KDM2B: variants seen among roughly 807,000 people sequenced by gnomAD.
The protein encoded by KDM2B is lysine-specific demethylase 2B.
A neutral mutation model predicts 150.0 loss-of-function variants in KDM2B; 26 were observed. The observed-to-expected ratio is 0.17, with a 90% CI of 0.13 to 0.24. KDM2B has a LOEUF of 0.24. Among genes scored for constraint, KDM2B ranks in the 10% least tolerant of loss-of-function variants. The probability of loss-of-function intolerance (pLI) is 1.00; values close to 1 mark genes in which losing one functional copy is unlikely to be tolerated. For missense variants in KDM2B, 1,265 were observed against 1,816.9 expected, an observed-to-expected ratio of 0.70 and a Z score of 5.52; for synonymous variants, 734 against 729.5, an observed-to-expected ratio of 1.01 and a Z score of -0.10.
chr12:121,495,498 C>A (rs144487253), intron 11 of KDM2B, among the ~76,000 whole-genome samples: 1 of 152,100 alleles, frequency 6.6e-6, no homozygotes, highest in Non-Finnish European at 1.5e-5. Context: ...AGGGTATATG[C>A]CATGTTGCCC....
chr12:121,466,513 T>TCCG (rs1384210396), intron 12 of KDM2B, among the ~76,000 whole-genome samples: 10 of 150,262 alleles, frequency 6.7e-5, no homozygotes, highest in East Asian at 1.9e-4. Flanking sequence ...CGCGGCTTCC[T>TCCG]CCGCCGCCGC....
chr12:121,423,017 C>G, the KDM2B span, among the ~76,000 whole-genome samples: 14 of 152,334 alleles, frequency 9.2e-5, no homozygotes, highest in South Asian at 2.9e-3. This position sits in a 1 kb window ranked among gnomAD's most constrained non-coding sequence, Gnocchi z 4.3. Context: ...CCAATAGCAT[C>G]CTGACTCCAA....
At chr12:121,412,267 T>A in the KDM2B span, among the ~76,000 whole-genome samples, 1 of 117,364 alleles carries the variant, frequency 8.5e-6, no homozygotes, top group South Asian at 2.9e-4. Context: ...TGAGATGGAG[T>A]CCCGCTCTGT....
chr12:121,551,727 A>G (rs1166396132), intron 4 of KDM2B, among the ~76,000 whole-genome samples: 3 of 151,762 alleles, frequency 2.0e-5, no homozygotes, highest in African/African-American at 7.3e-5. Context: ...TCTTTTTCGT[A>G]TTTTTAGTAG....
chr12:121,578,998 T>C, intron 1 of KDM2B, 52 bp from the exon 2 acceptor site: 1 of 1,575,022 alleles, frequency 6.3e-7, no homozygotes, highest in Non-Finnish European at 8.6e-7. Flanking sequence ...GGGCTGGAGG[T>C]CGCCTCTCAA....
At chr12:121,540,184 A>G (rs1009614043) in intron 6 of KDM2B, among the ~76,000 whole-genome samples, 2 of 152,164 alleles carry the variant, frequency 1.3e-5, no homozygotes, top group African/African-American at 4.8e-5. Context: ...GTTGGTCCAT[A>G]CACACAGGAA....
At chr12:121,413,610 C>G in the KDM2B span, among the ~76,000 whole-genome samples, 1 of 143,952 alleles carries the variant, frequency 6.9e-6, no homozygotes, top group Non-Finnish European at 1.5e-5. Flanking sequence ...TGGAGTCTCG[C>G]TTTGTTGCCC....
chr12:121,478,648 T>G (rs1555297250), intron 12 of KDM2B, among the ~76,000 whole-genome samples: 2 of 151,844 alleles, frequency 1.3e-5, no homozygotes. Context: ...CGTGAGCCAC[T>G]GCGCCCAGCT....
chr12:121,420,089 C>T, the KDM2B span: 3 of 605,330 alleles, frequency 5.0e-6, no homozygotes, highest in African/African-American at 1.9e-5. Flanking sequence ...TTTGTAGGGC[C>T]CAACTTTTTG....
chr12:121,432,402 AT>A (rs782383261), intron 22 of KDM2B, among the ~76,000 whole-genome samples: 2 of 152,094 alleles, frequency 1.3e-5, no homozygotes, highest in East Asian at 3.8e-4. Flanking sequence ...TAATATGTTT[AT>A]TTTCATATAC....
intron 6 of KDM2B, among the ~76,000 whole-genome samples, chr12:121,539,659 A>T (rs1594083798): frequency 2.0e-5 from 3 of 150,614 alleles, no homozygotes; most frequent in Admixed American, 1.3e-4. Context: ...TGGTTTGGCC[A>T]GCAGTTTTTT....
downstream of KDM2B, among the ~76,000 whole-genome samples, chr12:121,426,179 C>G (rs1341587235): frequency 5.9e-5 from 9 of 152,078 alleles, no homozygotes; most frequent in Admixed American, 2.6e-4. Flanking sequence ...TTTATACAGT[C>G]TTAGTTTAAA....
At chr12:121,560,737 C>T (rs1890275704) in intron 4 of KDM2B, among the ~76,000 whole-genome samples, 2 of 152,128 alleles carry the variant, frequency 1.3e-5, no homozygotes, top group South Asian at 4.1e-4. Context: ...GTCTGATCTG[C>T]CACAGGAGCA....
intron 19 of KDM2B, among the ~76,000 whole-genome samples, chr12:121,441,789 C>T (rs11065577): frequency 0.31 from 47,243 of 152,060 alleles, 8,888 homozygotes; most frequent in East Asian, 0.43. Context: ...AAACAACCCC[C>T]ATGAAGCTGG....
chr12:121,478,700 T>G (rs1251787467), intron 12 of KDM2B, among the ~76,000 whole-genome samples: 2 of 151,188 alleles, frequency 1.3e-5, no homozygotes, highest in Non-Finnish European at 2.9e-5. Flanking sequence ...TGTTTTTTTC[T>G]TTTTGAACAC....
chr12:121,478,361 C>CTTTTT (rs34310054), intron 12 of KDM2B, among the ~76,000 whole-genome samples: 1 of 137,036 alleles, frequency 7.3e-6, no homozygotes. Flanking sequence ...CAAGTAGATC[C>CTTTTT]TTTTTTTTTT....
At chr12:121,545,750 T>C (rs1366975711) in intron 6 of KDM2B, among the ~76,000 whole-genome samples, 1 of 152,094 alleles carries the variant, frequency 6.6e-6, no homozygotes, top group African/African-American at 2.4e-5. Flanking sequence ...AACACATTTC[T>C]CTCTGCTCAA....
At chr12:121,443,467 G>A in intron 17 of KDM2B, 1 of 598,326 alleles carries the variant, frequency 1.7e-6, no homozygotes, top group Non-Finnish European at 3.0e-6. Flanking sequence ...GAGGTTCCCT[G>A]GACTCACAGC....
chr12:121,580,660 G>GC (rs1270525592), intron 1 of KDM2B, 126 bp downstream of exon 1: 154 of 1,352,620 alleles, frequency 1.1e-4, no homozygotes, highest in Non-Finnish European at 1.1e-5. Context: ...TGCAAGCCGA[G>GC]CATGCTGGCG....
Sources: gnomAD v4.1 joint callset for allele counts (sites outside exome capture counted in the v4.1 genomes callset) on GRCh38, gnomAD v4.1.1 for gene constraint, Gnocchi (gnomAD v3.1) non-coding constraint, MANE v1.5 for transcripts, NCBI Gene and HGNC (gene_info 2026-07-23, HGNC 2026-07-21) for gene names.